Variants in PAQR7 observed in about 807,000 individuals in gnomAD.
PAQR7 encodes the protein progestin and adipoQ receptor family member 7.
Under a neutral mutation model 24.6 loss-of-function variants are expected in PAQR7, and 14 were observed. The ratio of observed to expected loss-of-function variants is 0.57; its 90% CI spans 0.38 to 0.89. PAQR7 has a LOEUF of 0.89. Among genes scored for constraint, PAQR7 ranks in the 40% least tolerant of loss-of-function variants. The pLI, the probability that PAQR7 is intolerant of heterozygous loss-of-function variation, is 0.00. For synonymous variants in PAQR7, 189 were observed against 198.8 expected, an observed-to-expected ratio of 0.95 and a Z score of 0.42; for missense variants, 351 against 444.0, an observed-to-expected ratio of 0.79 and a Z score of 1.88.
intron 2 of PAQR7, among the ~76,000 whole-genome samples, chr1:25,870,190 TG>T (rs2048591742): frequency 6.6e-6 from 1 of 152,176 alleles, no homozygotes; most frequent in East Asian, 1.9e-4. Context: ...CTGAGTCGTG[TG>T]CCCACCAGGC....
intron 2 of PAQR7, among the ~76,000 whole-genome samples, chr1:25,864,467 C>G (rs1046329953): frequency 6.6e-6 from 1 of 152,190 alleles, no homozygotes; most frequent in Non-Finnish European, 1.5e-5. Context: ...CCCTGGACTG[C>G]TCTTTCACAT....
At chr1:25,867,107 C>T (rs1290770647) in intron 2 of PAQR7, among the ~76,000 whole-genome samples, 2 of 152,194 alleles carry the variant, frequency 1.3e-5, no homozygotes, top group Non-Finnish European at 2.9e-5. Flanking sequence ...CTCACTGCAG[C>T]CTTGACCTCA....
chr1:25,871,298 G>A (rs1012571632), intron 1 of PAQR7: 5 of 152,154 alleles, frequency 3.3e-5, no homozygotes, highest in Non-Finnish European at 7.3e-5. Flanking sequence ...CAAGAGATGT[G>A]GCTAAGCAGT....
intron 1 of PAQR7, among the ~76,000 whole-genome samples, chr1:25,872,229 C>T (rs2048611760): frequency 6.6e-6 from 1 of 152,176 alleles, no homozygotes; most frequent in Non-Finnish European, 1.5e-5. Flanking sequence ...GCTGGCTCTG[C>T]CGTTTCTGTG....
intron 2 of PAQR7, among the ~76,000 whole-genome samples, chr1:25,866,555 A>T (rs558131474): frequency 2.6e-5 from 4 of 152,356 alleles, no homozygotes; most frequent in African/African-American, 9.6e-5. Context: ...GCAAATGCTC[A>T]CACAGCACCT....
At position 25,875,613 on chromosome 1, in the gene PAQR7, A is replaced by G. The variant is rs551159568; in HGVS notation, c.-234T>C. 6.7e-6 allele frequency among the ~76,000 whole-genome samples: 1 copy of G among 149,788 alleles called. No homozygotes were observed. Among genetic ancestry groups the G allele is most frequent in the African/African-American group, 2.5e-5 (1 of 40,542 alleles). On this transcript the variant is annotated 5_prime_UTR_variant, in exon 1 of 3. Coordinates refer to ENST00000675840, the MANE Select transcript of PAQR7 (RefSeq NM_178422.6). The surrounding 1 kb of genome is among the most constrained non-coding windows in gnomAD (Gnocchi z 5.4). ...GCGGGCGGCCTCGGGCGCTCTGGCT[A>G]CAGCCGCCTCCGCGGGCCCAGGCGA...
At chr1:25,874,410 G>GA (rs1572283670) in intron 1 of PAQR7, among the ~76,000 whole-genome samples, 1 of 152,308 alleles carries the variant, frequency 6.6e-6, no homozygotes, top group East Asian at 1.9e-4. Flanking sequence ...TGAGGAGGGG[G>GA]AATCTCTTAG....
In PAQR7 at chr1:25,862,573, T is replaced by C. The variant is rs1238603537; in HGVS notation, c.*226A>G. On this transcript the variant is annotated 3_prime_UTR_variant, in exon 3 of 3. Transcript: ENST00000675840. ...GCCCACACCGTTAACTCTTTCCCTC[T>C]CCCTGGGCAAGGAGCTGGGGCAGGC... is the stretch of plus-strand genomic sequence containing the variant. 1.6e-5 allele frequency: 9 copies of C among 554,440 alleles called. No individual in the cohort carries two copies. The highest frequency in any genetic ancestry group is 1.6e-4 in the South Asian group (7 of 43,376). 34.3% of individuals were successfully genotyped at this position (554,440 alleles called of 1,614,324 possible).
At chr1:25,868,603 G>A (rs1175483346) in intron 2 of PAQR7, among the ~76,000 whole-genome samples, 1 of 151,810 alleles carries the variant, frequency 6.6e-6, no homozygotes, top group Non-Finnish European at 1.5e-5. Context: ...CCAGCTACTT[G>A]GGAAGCTGAG....
Position 25,863,470 on chromosome 1 carries a change from C to T in PAQR7, c.370G>A (p.Ala124Thr). 6.2e-7 allele frequency: 1 copy of T among 1,614,108 alleles called. No homozygotes were observed. The highest frequency in any genetic ancestry group is 8.5e-7 in the Non-Finnish European group (1 of 1,180,020). Residue 124 changes from alanine to threonine, a missense_variant, in exon 3 of 3, where the codon GCT (alanine) becomes ACT (threonine). By Grantham distance (58) the Ala-to-Thr change is moderately conservative (BLOSUM62 0). Transcript: ENST00000675840. The surrounding 1 kb of genome is among the most constrained non-coding windows in gnomAD (Gnocchi z 6.1). ...TCAGACTTGGCCTGCAGGAGGTGAG[C>T]CAAGGCACTGAAGGAGAGGTAGGTG... is the stretch of plus-strand genomic sequence containing the variant. Reference protein sequence around the residue: ...SFTYLSFSALAHLLQAKSEFW... With the variant: ...SFTYLSFSALTHLLQAKSEFW...
At chr1:25,872,638 G>A (rs953265760) in intron 1 of PAQR7, among the ~76,000 whole-genome samples, 2 of 150,784 alleles carry the variant, frequency 1.3e-5, no homozygotes, top group African/African-American at 4.9e-5. Context: ...TCAGCCTCTT[G>A]AGTAGTTGGG....
chr1:25,870,082 G>A (rs909399966), intron 2 of PAQR7, among the ~76,000 whole-genome samples: 1 of 152,136 alleles, frequency 6.6e-6, no homozygotes, highest in African/African-American at 2.4e-5. Flanking sequence ...CTGATCCAGG[G>A]GAAAGGAAAA....
chr1:25,862,675 C>T lies in PAQR7; in HGVS notation c.*124G>A, dbSNP rs1277864900. On this transcript the variant is annotated 3_prime_UTR_variant, in exon 3 of 3. Transcript: ENST00000675840. ...CCAGTGATGCCCTTGGCAGTTGAGT[C>T]GTGCACAGAGAGTCACTGTGGGCCA... 2.1e-5 allele frequency: 22 copies of T among 1,069,670 alleles called. No homozygotes were observed. Among genetic ancestry groups the T allele is most frequent in the East Asian group, 4.9e-5 (2 of 40,654 alleles). The allele number at this position is 1,069,670 out of a possible 1,614,324, so 66.3% of individuals were successfully genotyped here.
intron 2 of PAQR7, among the ~76,000 whole-genome samples, chr1:25,866,700 T>G (rs2048559801): frequency 6.6e-6 from 1 of 152,108 alleles, no homozygotes; most frequent in African/African-American, 2.4e-5. Flanking sequence ...GGCAGAGGCA[T>G]GCTCTGAACT....
intron 2 of PAQR7, among the ~76,000 whole-genome samples, chr1:25,869,849 G>A (rs771293880): frequency 1.4e-4 from 22 of 152,242 alleles, no homozygotes; most frequent in Admixed American, 3.3e-4. Flanking sequence ...CTTCTCCAGG[G>A]AGGCCCTGGC....
At chr1:25,865,952 C>T (rs2124530120) in intron 2 of PAQR7, among the ~76,000 whole-genome samples, 1 of 150,872 alleles carries the variant, frequency 6.6e-6, no homozygotes, top group East Asian at 1.9e-4. Context: ...CACCATTGCA[C>T]TCCAGCCTGG....
chr1:25,870,415 G>C (rs560695802), intron 2 of PAQR7, among the ~76,000 whole-genome samples, 194 bp downstream of exon 2: 20 of 152,296 alleles, frequency 1.3e-4, no homozygotes, highest in Non-Finnish European at 2.8e-4. Context: ...TGTCTTGTGT[G>C]ATGTCACCAG....
chr1:25,874,646 C>G (rs2048634209), intron 1 of PAQR7, among the ~76,000 whole-genome samples: 1 of 152,202 alleles, frequency 6.6e-6, no homozygotes, highest in Non-Finnish European at 1.5e-5. Flanking sequence ...GCTGTCCACC[C>G]AGGAGCAGCC....
intron 2 of PAQR7, among the ~76,000 whole-genome samples, chr1:25,867,051 C>A (rs748312146): frequency 9.8e-4 from 148 of 150,744 alleles, no homozygotes; most frequent in Non-Finnish European, 1.8e-3. Context: ...TTTAAGATAG[C>A]GTCTTGCTCT....
Sources: allele counts gnomAD v4.1 joint callset (sites outside exome capture counted in the v4.1 genomes callset), GRCh38; gene constraint gnomAD v4.1.1; non-coding constraint Gnocchi (gnomAD v3.1); transcripts MANE v1.5; gene names NCBI Gene and HGNC (gene_info 2026-07-23, HGNC 2026-07-21).